Variants in TIAM2 observed in about 807,000 individuals in gnomAD.
TIAM2 encodes TIAM Rac1 associated GEF 2.
In TIAM2, 80 loss-of-function variants were observed where a neutral mutation model predicts 152.9. The ratio of observed to expected loss-of-function variants is 0.52; its 90% confidence interval spans 0.44 to 0.63. The LOEUF is 0.63. Among genes scored for constraint, TIAM2 ranks in the 30% least tolerant of loss-of-function variants. The pLI is 0.00. For synonymous variants in TIAM2, 804 were observed against 838.0 expected, an observed-to-expected ratio of 0.96 and a Z score of 0.70; for missense variants, 1,965 against 2,120.1, an observed-to-expected ratio of 0.93 and a Z score of 1.44.
chr6:155,170,123 T>TA (rs1192915457), intron 9 of TIAM2, among the ~76,000 whole-genome samples: 2 of 139,364 alleles, frequency 1.4e-5, no homozygotes, highest in Non-Finnish European at 3.2e-5. Flanking sequence ...AGCCAGTTCT[T>TA]ACTCTGCACT....
chr6:155,113,338 A>C (rs1029733729), intron 2 of TIAM2, among the ~76,000 whole-genome samples: 10 of 152,044 alleles, frequency 6.6e-5, no homozygotes, highest in Admixed American at 6.5e-4. Flanking sequence ...CCTTTTAAAA[A>C]TTGCAGCATC....
intron 1 of TIAM2, among the ~76,000 whole-genome samples, chr6:155,008,653 C>A (rs1019093362): frequency 3.9e-5 from 6 of 152,066 alleles, no homozygotes; most frequent in African/African-American, 1.4e-4. Context: ...GCAGTGTGCC[C>A]AGAGAAGCTG....
chr6:155,079,648 A>T (rs1218483257), intron 1 of TIAM2, among the ~76,000 whole-genome samples: 1 of 152,212 alleles, frequency 6.6e-6, no homozygotes, highest in Non-Finnish European at 1.5e-5. Context: ...TGCTTTGTTC[A>T]AAAAATTTCT....
chr6:155,105,363 C>G (rs13192604), intron 2 of TIAM2, among the ~76,000 whole-genome samples: 5,254 of 151,430 alleles, frequency 0.035, 209 homozygotes, highest in Admixed American at 0.13. Context: ...GTTGGCCAGG[C>G]TGATCTCAAA....
At chr6:155,053,466 C>CTTT (rs11401916) in intron 1 of TIAM2, among the ~76,000 whole-genome samples, 43,277 of 126,122 alleles carry the variant, frequency 0.34, 7,266 homozygotes, top group Middle Eastern at 0.44. Context: ...ATTCTTGCAG[C>CTTT]TTTTTTTTTT....
chr6:155,036,581 A>AT (rs1776926374), intron 1 of TIAM2, among the ~76,000 whole-genome samples: 1 of 143,810 alleles, frequency 7.0e-6, no homozygotes, highest in Non-Finnish European at 1.5e-5. Flanking sequence ...GTTTGGAGAA[A>AT]TTATTTATTT....
intron 25 of TIAM2, 145 bp from the exon 26 acceptor site, chr6:155,254,274 C>T (rs779049840): frequency 7.2e-5 from 79 of 1,099,494 alleles, no homozygotes; most frequent in South Asian, 9.4e-5. Context: ...TCCTTCTGTA[C>T]GGGAGGCCAC....
rs893291163 is a variant in TIAM2 at position 155,256,654 on chromosome 6, G to A, written c.4639G>A (p.Gly1547Arg). Residue 1547 changes from glycine (G) to arginine (R), a missense_variant, in exon 27 of 27, where the codon GGG (glycine) becomes AGG (arginine). By Grantham distance (125) the Gly-to-Arg change is moderately radical. Transcript: ENST00000682666. ...GRQDSKSTSP[G>R]KYPHPGLADF... ...GCAGGACTCCAAGAGCACTTCTCCC[G>A]GGAAATACCCACACCCCGGCTTGGC... 23 of 1,613,988 alleles carry A rather than the reference G, an allele frequency of 1.4e-5. No homozygotes were observed. The Admixed American group carries it at 1.7e-4, about 12-fold the overall frequency.
chr6:155,074,634 C>T (rs1777913023), intron 1 of TIAM2, among the ~76,000 whole-genome samples: 1 of 152,150 alleles, frequency 6.6e-6, no homozygotes, highest in African/African-American at 2.4e-5. Context: ...AGGCATGAGC[C>T]ACCCCACTTA....
intron 1 of TIAM2, among the ~76,000 whole-genome samples, chr6:155,069,192 T>G (rs568935319): frequency 6.6e-6 from 1 of 152,236 alleles, no homozygotes; most frequent in East Asian, 1.9e-4. Context: ...CCTCCCAGGT[T>G]CTAGTGATTC....
At chr6:155,204,708 T>G (rs1781555542) in intron 14 of TIAM2, among the ~76,000 whole-genome samples, 1 of 152,224 alleles carries the variant, frequency 6.6e-6, no homozygotes, top group African/African-American at 2.4e-5. Flanking sequence ...AAAAACAATT[T>G]TCATTCTCAT....
At chr6:155,117,741 C>G (rs1032459051) in intron 2 of TIAM2, among the ~76,000 whole-genome samples, 70 of 152,258 alleles carry the variant, frequency 4.6e-4, no homozygotes, top group Non-Finnish European at 1.2e-4. Context: ...CTGTGCCTGG[C>G]CTTTCATATT....
chr6:155,254,453 A>AT lies in TIAM2; in HGVS notation c.4350dup (p.Arg1451SerfsTer15). On this transcript the variant is annotated frameshift_variant, in exon 26 of 27. Coordinates refer to ENST00000682666, the MANE Select transcript of TIAM2 (RefSeq NM_012454.4). LOFTEE classifies it high-confidence loss of function. The stretch of plus-strand genomic sequence containing the variant: ...AAGCAAAACCAACATTGTTAAGGTG[A>AT]TTCGTTCTATTCTGAGGGAGAACTT... 1.9e-6 allele frequency: 3 copies of AT among 1,614,042 alleles called. No homozygotes were observed. Among genetic ancestry groups the AT allele is most frequent in the Non-Finnish European group, 2.5e-6 (3 of 1,179,916 alleles).
chr6:155,059,280 T>TTG (rs1777514221), intron 1 of TIAM2, among the ~76,000 whole-genome samples: 2 of 119,650 alleles, frequency 1.7e-5, no homozygotes, highest in Non-Finnish European at 3.7e-5. Flanking sequence ...GAATGTCCCT[T>TTG]TCTGTGTGTG....
At chr6:155,254,258 C>A in intron 25 of TIAM2, 161 bp from the exon 26 acceptor site, 1 of 1,039,836 alleles carries the variant, frequency 9.6e-7, no homozygotes, top group Non-Finnish European at 1.4e-6. Context: ...GTGATCAATT[C>A]TCACCTCCTT....
At chr6:155,025,731 G>T (rs4326247) in intron 1 of TIAM2, among the ~76,000 whole-genome samples, 104,347 of 151,434 alleles carry the variant, frequency 0.69, 36,117 homozygotes, top group East Asian at 0.89. Context: ...CTGAGGTTTG[G>T]GTAGTACCCG....
intron 19 of TIAM2, among the ~76,000 whole-genome samples, chr6:155,246,627 C>T (rs58559854): frequency 0.036 from 5,545 of 152,232 alleles, 353 homozygotes; most frequent in African/African-American, 0.13. Context: ...TGAGCCACCA[C>T]GCCTGGCCCA....
intron 1 of TIAM2, among the ~76,000 whole-genome samples, chr6:155,052,084 G>A (rs1285425421): frequency 6.6e-6 from 1 of 152,122 alleles, no homozygotes; most frequent in East Asian, 1.9e-4. Flanking sequence ...TTACCACTAT[G>A]GAAAGTTGAT....
In TIAM2 at chr6:155,129,501, C is replaced by T. The variant is rs141887143; in HGVS notation, c.278C>T (p.Thr93Met). Residue 93 changes from threonine to methionine, a missense_variant, in exon 4 of 27, where the codon ACG becomes ATG. Physicochemically the swap from Thr to Met is moderately conservative, Grantham distance 81. Transcript: ENST00000682666. This position sits in a 1 kb window ranked among gnomAD's most constrained non-coding sequence, Gnocchi z 4.8. ...GTCTCCAGAGGTGTTGCCTACTCCACGCACAGGACAAATGCCCCAGGGAAG... is the reference window on the plus strand; with the variant it reads ...GTCTCCAGAGGTGTTGCCTACTCCATGCACAGGACAAATGCCCCAGGGAAG... Reference protein sequence around the residue: ...CKVSRGVAYSTHRTNAPGKDF... With the variant: ...CKVSRGVAYSMHRTNAPGKDF... 7.4e-6 allele frequency: 12 copies of T among 1,614,054 alleles called. No homozygotes were observed. The South Asian group carries it at 7.7e-5, about 10-fold the overall frequency.
Sources: allele counts gnomAD v4.1 joint callset (sites outside exome capture counted in the v4.1 genomes callset), GRCh38; gene constraint gnomAD v4.1.1; non-coding constraint Gnocchi (gnomAD v3.1); transcripts MANE v1.5; gene names NCBI Gene and HGNC (gene_info 2026-07-23, HGNC 2026-07-21).